Variants in CLIC5 observed in about 807,000 individuals in gnomAD.
CLIC5 encodes chloride intracellular channel protein 5.
A neutral mutation model predicts 24.7 loss-of-function variants in CLIC5; 20 were observed. That is an observed-to-expected ratio of 0.81 (90% CI 0.57 to 1.18). The LOEUF (loss-of-function observed/expected upper bound fraction) is 1.18. CLIC5 is among the 50% of genes most tolerant of loss of function. The pLI is 0.00. For synonymous variants in CLIC5, 159 were observed against 135.6 expected (o/e 1.17, Z -1.20); for missense variants, 341 against 326.1 (o/e 1.05, Z -0.35).
chr6:45,913,680 C>A, intron 5 of CLIC5: 1 of 757,480 alleles, frequency 1.3e-6, no homozygotes, highest in Middle Eastern at 4.4e-4. Flanking sequence ...CTACATGCTG[C>A]AAATGGTTAG....
chr6:46,115,746 G>A, the CLIC5 span, among the ~76,000 whole-genome samples: 196 of 152,296 alleles, frequency 1.3e-3, 1 homozygote, highest in African/African-American at 4.6e-3. Context: ...TTGGGTTTCT[G>A]TAATCTGCAG....
At chr6:45,927,043 A>G (rs1561938930) in intron 4 of CLIC5, among the ~76,000 whole-genome samples, 1 of 152,154 alleles carries the variant, frequency 6.6e-6, no homozygotes, top group Non-Finnish European at 1.5e-5. Flanking sequence ...TTAAAAGGTG[A>G]GGTTCCACAG....
chr6:45,998,838 C>T (rs1766247089), intron 1 of CLIC5, among the ~76,000 whole-genome samples: 1 of 152,236 alleles, frequency 6.6e-6, no homozygotes, highest in Non-Finnish European at 1.5e-5. Context: ...GCGATCAGCT[C>T]ACACCTGTTT....
At chr6:45,974,522 T>TATATATATATAGAGAGAGAG (rs1339415709) in intron 1 of CLIC5, among the ~76,000 whole-genome samples, 1 of 66,002 alleles carries the variant, frequency 1.5e-5, no homozygotes, top group African/African-American at 6.2e-5. Context: ...TATATATATA[T>TATATATATATAGAGAGAGAG]AGAGAGAGAG....
chr6:46,070,450 T>G (rs1278993389), intron 1 of CLIC5, among the ~76,000 whole-genome samples: 1 of 152,032 alleles, frequency 6.6e-6, no homozygotes, highest in Non-Finnish European at 1.5e-5. Flanking sequence ...GAGAGCCAAA[T>G]CAGGAATGCA....
intron 5 of CLIC5, among the ~76,000 whole-genome samples, chr6:45,913,473 C>G (rs549507630): frequency 2.5e-4 from 38 of 152,280 alleles, no homozygotes; most frequent in African/African-American, 8.9e-4. Flanking sequence ...ATAATCAGAG[C>G]TATCTAACAT....
At chr6:46,104,600 T>C in the CLIC5 span, among the ~76,000 whole-genome samples, 1 of 151,650 alleles carries the variant, frequency 6.6e-6, no homozygotes, top group African/African-American at 2.4e-5. Context: ...CACCACTTTG[T>C]TCCAAGCCTG....
intron 1 of CLIC5, among the ~76,000 whole-genome samples, chr6:46,064,623 G>T (rs990208195): frequency 6.6e-6 from 1 of 151,984 alleles, no homozygotes; most frequent in African/African-American, 2.4e-5. Context: ...AAATTTAGAA[G>T]TCTATAAAAT....
At chr6:46,027,730 A>G (rs1767373128) in intron 1 of CLIC5, among the ~76,000 whole-genome samples, 1 of 152,250 alleles carries the variant, frequency 6.6e-6, no homozygotes, top group Non-Finnish European at 1.5e-5. Flanking sequence ...TATTATTCTA[A>G]GACACCTTTG....
chr6:46,042,542 G>A (rs754900687), intron 1 of CLIC5, among the ~76,000 whole-genome samples: 31 of 151,732 alleles, frequency 2.0e-4, no homozygotes, highest in Admixed American at 3.3e-4. Flanking sequence ...ACTCCAGCAC[G>A]TCACACATCA....
At chr6:45,913,799 G>T in intron 5 of CLIC5, 1 of 1,231,610 alleles carries the variant, frequency 8.1e-7, no homozygotes, top group Non-Finnish European at 1.0e-6. Context: ...GCTGGAGGAA[G>T]TGAGAAGGTG....
chr6:46,110,452 T>C, the CLIC5 span, among the ~76,000 whole-genome samples: 1 of 152,240 alleles, frequency 6.6e-6, no homozygotes, highest in Non-Finnish European at 1.5e-5. Context: ...GTTACTTGCA[T>C]AATTTCAATA....
In CLIC5 at chr6:45,977,483, C is replaced by A. The variant is rs566196533; in HGVS notation, c.64-22239G>T. 7.9e-5 allele frequency among the ~76,000 whole-genome samples: 12 copies of A among 152,256 alleles called. 1 individual carries two copies. The South Asian group carries it at 2.5e-3, about 32-fold the overall frequency. ...AAAAAAATGGATATGATACAATATC[C>A]TAAATTATTTCTTTGGCCCTTTTGA... On this transcript the variant is annotated intron_variant, in intron 1 of 5. Transcript: ENST00000339561.
At chr6:46,062,274 C>T (rs983142779) in intron 1 of CLIC5, among the ~76,000 whole-genome samples, 12 of 152,174 alleles carry the variant, frequency 7.9e-5, no homozygotes, top group Non-Finnish European at 1.3e-4. Context: ...AAAAATACTT[C>T]AGTAGAGTGT....
chr6:46,075,747 T>G (rs944559647), intron 1 of CLIC5, among the ~76,000 whole-genome samples: 7 of 152,204 alleles, frequency 4.6e-5, no homozygotes, highest in African/African-American at 1.7e-4. Flanking sequence ...AATACTAGAA[T>G]GCTTTTTTCT....
At chr6:46,069,910 G>C (rs551928406) in intron 1 of CLIC5, among the ~76,000 whole-genome samples, 6 of 152,228 alleles carry the variant, frequency 3.9e-5, no homozygotes, top group Middle Eastern at 3.4e-3. Context: ...ATGCAAGGTT[G>C]GTTCAACATA....
chr6:45,888,216 CA>C (rs1762321779), intron 6 of CLIC5, among the ~76,000 whole-genome samples: 1 of 152,144 alleles, frequency 6.6e-6, no homozygotes, highest in African/African-American at 2.4e-5. Context: ...ACACATGAGC[CA>C]AATGAGTGGG....
exon 1 of CLIC5, chr6:46,079,840 G>A: frequency 2.0e-5 from 31 of 1,552,216 alleles, no homozygotes; most frequent in Non-Finnish European, 2.7e-5. Context: ...GGAGAAGGCA[G>A]ATCTTCCTTC....
At chr6:45,946,898 C>T (rs1447208634) in intron 3 of CLIC5, among the ~76,000 whole-genome samples, 1 of 152,226 alleles carries the variant, frequency 6.6e-6, no homozygotes, top group Non-Finnish European at 1.5e-5. Context: ...ATCAAGCGTT[C>T]TGCTACCTGA....
Sources: allele counts gnomAD v4.1 joint callset (sites outside exome capture counted in the v4.1 genomes callset), GRCh38; gene constraint gnomAD v4.1.1; transcripts MANE v1.5; gene names NCBI Gene and HGNC (gene_info 2026-07-23, HGNC 2026-07-21).